VPS13C: variants seen among roughly 807,000 people sequenced by gnomAD.
VPS13C encodes the protein intermembrane lipid transfer protein VPS13C.
VPS13C carries 358 observed loss-of-function variants against 456.8 expected under a neutral mutation model. The ratio of observed to expected loss-of-function variants is 0.78; its 90% CI spans 0.72 to 0.86. VPS13C has a LOEUF of 0.86. Ranked by LOEUF, VPS13C falls within the 40% of genes least tolerant of loss-of-function variation. VPS13C has a pLI of 0.00. For missense variants in VPS13C, 4,818 were observed against 4,385.4 expected, an observed-to-expected ratio of 1.10 and a Z score of -2.79; for synonymous variants, 1,578 against 1,486.7, an observed-to-expected ratio of 1.06 and a Z score of -1.41.
At chr15:61,907,166 C>T in intron 66 of VPS13C, 98 bp downstream of exon 66, 1 of 1,575,088 alleles carries the variant, frequency 6.3e-7, no homozygotes, top group Non-Finnish European at 8.7e-7. Flanking sequence ...TTCCAATTCA[C>T]TTTTAGTTCA....
rs532179458 is a variant in VPS13C at position 61,881,394 on chromosome 15, T to TATTTTAGTAGTA, written c.9776+168_9776+169insTACTACTAAAAT. 3.9e-3 allele frequency among the ~76,000 whole-genome samples: 596 copies of TATTTTAGTAGTA among 152,316 alleles called. 4 individuals carry two copies. The highest frequency in any genetic ancestry group is 0.013 in the African/African-American group (561 of 41,590). On this transcript the variant is annotated intron_variant, in intron 71 of 84. Transcript: ENST00000644861. ...ACACTTTAAAATATGTAGAGACTAC[T>TATTTTAGTAGTA]ACTAAAATAAGTTGAAGCATAAAAG...
chr15:61,976,021 G>A (rs1278851229), intron 24 of VPS13C, among the ~76,000 whole-genome samples: 10 of 152,050 alleles, frequency 6.6e-5, no homozygotes, highest in African/African-American at 2.4e-4. Context: ...TGTACACACA[G>A]TTTGAAGGTA....
rs773712270 is a variant in VPS13C, at chr15:62,013,022, G to A, written c.825+17C>T. 4.4e-6 allele frequency: 7 copies of A among 1,597,858 alleles called. No homozygotes were observed. The highest frequency in any genetic ancestry group is 1.3e-5 in the African/African-American group (1 of 74,438). On this transcript the variant is annotated intron_variant, in intron 11 of 84. Coordinates refer to ENST00000644861, the MANE Select transcript of VPS13C (RefSeq NM_020821.3). ...ATGGGAGTGAAGTTAGCTCTTCCAAGTATACATTAATATTACCAAAATCTG... is the reference window on the plus strand; with the variant it reads ...ATGGGAGTGAAGTTAGCTCTTCCAAATATACATTAATATTACCAAAATCTG...
chr15:61,942,552 T>C (rs1442187682), intron 45 of VPS13C, among the ~76,000 whole-genome samples: 3 of 151,528 alleles, frequency 2.0e-5, no homozygotes, highest in African/African-American at 7.3e-5. Context: ...GGCTTTTTTT[T>C]TTTTTTTTAT....
intron 15 of VPS13C, among the ~76,000 whole-genome samples, chr15:62,001,834 C>A (rs1458780816): frequency 6.6e-6 from 1 of 152,178 alleles, no homozygotes; most frequent in Non-Finnish European, 1.5e-5. Flanking sequence ...CATGTCCCTA[C>A]AAAGGACATG....
At chr15:61,980,183 CAAAAAAAAAAAAAAA>C (rs71125960) in intron 22 of VPS13C, among the ~76,000 whole-genome samples, 10 of 45,262 alleles carry the variant, frequency 2.2e-4, no homozygotes, top group East Asian at 7.8e-4. Flanking sequence ...GACCCCATCT[CAAAAAAAAAAAAAAA>C]AAAAAAAAAA....
chr15:61,941,970 T>A lies in VPS13C; in HGVS notation c.5246A>T (p.Gln1749Leu), dbSNP rs141806515. The A allele has an allele frequency of 4.3e-6, 7 of 1,614,064 alleles. No homozygotes were observed. The African/African-American group carries it at 9.3e-5, about 22-fold the overall frequency. ...ATCCATCAAAAGGCGGAAACTCTTT[T>A]GAGCCAAGTCTTTCATGCTGGAAGC... Reference protein sequence around the residue: ...RAASSMKDLAQKSFRLLMDIN... With the variant: ...RAASSMKDLALKSFRLLMDIN... The change falls in exon 46 of 85, where the codon CAA becomes CTA. Residue 1749 changes from glutamine (Q) to leucine (L), a missense_variant. By Grantham distance (113) the Gln-to-Leu change is moderately radical (BLOSUM62 -2). Transcript: ENST00000644861.
chr15:62,058,046 G>C (rs916849029), intron 1 of VPS13C, among the ~76,000 whole-genome samples: 1 of 152,142 alleles, frequency 6.6e-6, no homozygotes, highest in Non-Finnish European at 1.5e-5. Context: ...GTAATTACAT[G>C]AAAGTATTAT....
chr15:61,924,321 C>T (rs1202359957), intron 53 of VPS13C, among the ~76,000 whole-genome samples: 1 of 152,200 alleles, frequency 6.6e-6, no homozygotes, highest in Non-Finnish European at 1.5e-5. Flanking sequence ...CCCTGATGTC[C>T]TGGTCTGAAT....
At chr15:61,902,926 A>G (rs930282587) in intron 66 of VPS13C, among the ~76,000 whole-genome samples, 2 of 151,914 alleles carry the variant, frequency 1.3e-5, no homozygotes, top group African/African-American at 4.8e-5. Context: ...CACAAACAAC[A>G]TATTACATTT....
chr15:61,994,059 C>A (rs376498069), intron 16 of VPS13C, among the ~76,000 whole-genome samples: 3 of 152,150 alleles, frequency 2.0e-5, no homozygotes, highest in East Asian at 1.9e-4. Context: ...TCAATTACCC[C>A]CTTGGTGCCT....
At chr15:62,057,503 C>T (rs574998932) in intron 1 of VPS13C, among the ~76,000 whole-genome samples, 1 of 152,124 alleles carries the variant, frequency 6.6e-6, no homozygotes. Context: ...GATAAAAGCT[C>T]GTGACTTCTA....
chr15:61,961,728 T>C lies in VPS13C; in HGVS notation c.3769A>G (p.Ile1257Val), dbSNP rs533261054. 3.0e-5 allele frequency: 49 copies of C among 1,614,042 alleles called. No individual in the cohort carries two copies. The highest frequency in any genetic ancestry group is 1.5e-4 in the African/African-American group (11 of 75,010). The change falls in exon 35 of 85, where the codon ATT (isoleucine) becomes GTT (valine). Residue 1257 changes from isoleucine to valine, a missense_variant. Around this residue, in one of 3 missense-constraint regions of VPS13C, gnomAD observed 4,552 missense variants for 4,130.6 expected, o/e 1.10. Coordinates refer to ENST00000644861, the MANE Select transcript of VPS13C (RefSeq NM_020821.3). ...TCTACCACTACTGCATTGGTGGAAA[T>C]AGAAGACTGTGGGATGACTATAACC... is the stretch of plus-strand genomic sequence containing the variant. ...APVIVIPQSS[I>V]STNAVVVDLG...
rs752766894 is a variant in VPS13C, at chr15:62,023,474, T to G, written c.561A>C (p.Ala187=). The change falls in exon 8 of 85, where the codon GCA becomes GCC. Residue 187 remains alanine (A), a synonymous_variant. Coordinates refer to ENST00000644861, the MANE Select transcript of VPS13C (RefSeq NM_020821.3). The part of the protein sequence containing the change: ...AKKDTFVEKL[A]TQVIKNVQVK... ...CTTGTACATTTTTTATTACTTGAGTTGCCAATTTTTCCACAAATGTATCCT... is the reference window on the plus strand; with the variant it reads ...CTTGTACATTTTTTATTACTTGAGTGGCCAATTTTTCCACAAATGTATCCT... 6.3e-7 allele frequency: 1 copy of G among 1,586,958 alleles called. No homozygotes were observed. Among genetic ancestry groups the G allele is most frequent in the East Asian group, 2.3e-5 (1 of 44,008 alleles).
chr15:61,955,667 G>A (rs1463510084), intron 37 of VPS13C, among the ~76,000 whole-genome samples: 1 of 151,934 alleles, frequency 6.6e-6, no homozygotes, highest in Non-Finnish European at 1.5e-5. Flanking sequence ...TCCCAGAATA[G>A]GCAAAGATTT....
rs1464364529 is a variant in VPS13C, at chr15:61,867,312, G to C, written c.10863+1347C>G. 1 of 984,754 alleles carries C rather than the reference G, an allele frequency of 1.0e-6. No individual in the cohort carries two copies. The highest frequency in any genetic ancestry group is 1.2e-6 in the Non-Finnish European group (1 of 829,520). The allele number at this position is 984,754 out of a possible 1,614,324, so 61.0% of individuals were successfully genotyped here. On this transcript the variant is annotated intron_variant, in intron 81 of 84. Coordinates refer to ENST00000644861, the MANE Select transcript of VPS13C (RefSeq NM_020821.3). The surrounding 1 kb of genome is among the most constrained non-coding windows in gnomAD (Gnocchi z 5.0). Reference sequence around the variant, plus strand: ...TTATAAAATGGCTATCATTTATTTAGCAACAGTACCAAGGGGTTAAATAGG... The same window carrying C: ...TTATAAAATGGCTATCATTTATTTACCAACAGTACCAAGGGGTTAAATAGG...
intron 5 of VPS13C, among the ~76,000 whole-genome samples, chr15:62,033,106 A>G (rs538484130): frequency 2.8e-4 from 43 of 151,744 alleles, no homozygotes; most frequent in Non-Finnish European, 4.9e-4. Context: ...GAACACGGGT[A>G]AACATGCACA....
chr15:61,857,261 C>CCT (rs757854980), intron 82 of VPS13C, among the ~76,000 whole-genome samples: 7 of 152,078 alleles, frequency 4.6e-5, no homozygotes, highest in Admixed American at 6.6e-5. Flanking sequence ...CACAATTAGA[C>CCT]AAGTGCTGTA....
chr15:62,003,547 C>G (rs2046715190), intron 15 of VPS13C, among the ~76,000 whole-genome samples: 1 of 152,108 alleles, frequency 6.6e-6, no homozygotes, highest in Admixed American at 6.5e-5. Context: ...CCAGAACTTC[C>G]AACACTATGT....
Sources: allele counts gnomAD v4.1 joint callset (sites outside exome capture counted in the v4.1 genomes callset), GRCh38; gene constraint gnomAD v4.1.1; regional missense constraint gnomAD v4.1.1; non-coding constraint Gnocchi (gnomAD v3.1); transcripts MANE v1.5; gene names NCBI Gene and HGNC (gene_info 2026-07-23, HGNC 2026-07-21).